The following ROBO1 variants were observed in gnomAD, a reference collection of about 807,000 sequenced individuals.
ROBO1 encodes roundabout homolog 1.
Under a neutral mutation model 195.9 loss-of-function variants are expected in ROBO1, and 149 were observed. The ratio of observed to expected loss-of-function variants is 0.76; its 90% CI spans 0.67 to 0.87. ROBO1 has a LOEUF of 0.87. ROBO1 is among the 40% of genes least tolerant of loss of function. The probability of loss-of-function intolerance (pLI) is 0.00; values close to 1 mark genes in which losing one functional copy is unlikely to be tolerated. For synonymous variants in ROBO1, 816 were observed against 733.2 expected (o/e 1.11, Z -1.82); for missense variants, 1,933 against 2,068.3 (o/e 0.93, Z 1.27).
At chr3:78,639,573 T>C (rs911362023) in intron 22 of ROBO1, among the ~76,000 whole-genome samples, 171 bp downstream of exon 22, 4 of 152,156 alleles carry the variant, frequency 2.6e-5, no homozygotes, top group African/African-American at 9.7e-5. Flanking sequence ...AGTATGGAGG[T>C]TAAGGGATGG....
intron 2 of ROBO1, among the ~76,000 whole-genome samples, chr3:79,154,266 G>T (rs1190633337): frequency 1.3e-5 from 2 of 151,668 alleles, no homozygotes; most frequent in African/African-American, 2.4e-5. Context: ...CTTGGTTAAT[G>T]CTCATTCCAT....
In ROBO1 at chr3:78,653,754, C is replaced by T. The variant is rs149496286; in HGVS notation, c.2615-1825G>A. Among the ~76,000 whole-genome samples the T allele has an allele frequency of 1.8e-4, 28 of 152,262 alleles. No individual in the cohort carries two copies. The East Asian group carries it at 4.1e-3, about 22-fold the overall frequency. ...GGCATGTTGACAGGAATAAGCTGGACGCAGGTCAGATAAGAGCCACAGGGG... is the reference window on the plus strand; with the variant it reads ...GGCATGTTGACAGGAATAAGCTGGATGCAGGTCAGATAAGAGCCACAGGGG... On this transcript the variant is annotated intron_variant, in intron 18 of 30. Coordinates refer to ENST00000464233, the MANE Select transcript of ROBO1 (RefSeq NM_002941.4).
intron 29 of ROBO1, among the ~76,000 whole-genome samples, chr3:78,604,762 C>A (rs776467326): frequency 1.3e-5 from 2 of 152,150 alleles, no homozygotes; most frequent in Non-Finnish European, 2.9e-5. Flanking sequence ...CAACAATACA[C>A]TGAGGTCAGA....
chr3:79,746,883 A>G (rs1703900971), intron 1 of ROBO1, among the ~76,000 whole-genome samples: 1 of 152,126 alleles, frequency 6.6e-6, no homozygotes, highest in Non-Finnish European at 1.5e-5. Context: ...GGATTAAAGT[A>G]TTCAATTTCT....
intron 1 of ROBO1, among the ~76,000 whole-genome samples, chr3:79,622,609 C>T (rs1214099343): frequency 2.0e-5 from 3 of 152,214 alleles, no homozygotes; most frequent in Non-Finnish European, 4.4e-5. Context: ...CTGACCCATC[C>T]TTCCTCATTG....
chr3:79,113,409 G>A (rs1472039283), intron 3 of ROBO1, among the ~76,000 whole-genome samples: 1 of 151,678 alleles, frequency 6.6e-6, no homozygotes, highest in Non-Finnish European at 1.5e-5. Flanking sequence ...ATAGAAAGAA[G>A]CTTTTAGAAT....
At chr3:78,935,188 T>C (rs968918069) in intron 4 of ROBO1, among the ~76,000 whole-genome samples, 41 of 152,062 alleles carry the variant, frequency 2.7e-4, no homozygotes, top group African/African-American at 9.2e-4. Context: ...AGACATAATC[T>C]TTAATTAATT....
chr3:79,002,456 G>A (rs925263897), intron 3 of ROBO1, among the ~76,000 whole-genome samples: 16 of 151,998 alleles, frequency 1.1e-4, no homozygotes, highest in African/African-American at 3.9e-4. Flanking sequence ...TGTGTGTTTT[G>A]CATTTAATCT....
At chr3:78,691,309 T>C (rs2081169548) in intron 8 of ROBO1, among the ~76,000 whole-genome samples, 1 of 152,074 alleles carries the variant, frequency 6.6e-6, no homozygotes, top group Non-Finnish European at 1.5e-5. Flanking sequence ...TAATTTAAAC[T>C]TGCTGTAATC....
chr3:79,417,525 G>A (rs1350388914), intron 2 of ROBO1, among the ~76,000 whole-genome samples: 1 of 152,074 alleles, frequency 6.6e-6, no homozygotes, highest in Non-Finnish European at 1.5e-5. Flanking sequence ...GTTGTTTAAA[G>A]CTGCTGAACT....
chr3:79,316,533 G>T (rs2033745025), intron 2 of ROBO1, among the ~76,000 whole-genome samples: 1 of 152,056 alleles, frequency 6.6e-6, no homozygotes, highest in East Asian at 1.9e-4. Flanking sequence ...GTAGACATGT[G>T]GATGAGGTGG....
At chr3:79,387,386 A>G (rs2036788507) in intron 2 of ROBO1, among the ~76,000 whole-genome samples, 1 of 151,430 alleles carries the variant, frequency 6.6e-6, no homozygotes, top group Non-Finnish European at 1.5e-5. Flanking sequence ...GTAAAGATTG[A>G]TATTTAAAAG....
intron 2 of ROBO1, among the ~76,000 whole-genome samples, chr3:79,385,672 T>G (rs891078044): frequency 3.9e-5 from 6 of 152,142 alleles, no homozygotes. Context: ...AAAGAAACTC[T>G]TTTAGTCTTC....
intron 2 of ROBO1, among the ~76,000 whole-genome samples, chr3:79,448,268 T>C (rs1193754004): frequency 6.6e-6 from 1 of 152,146 alleles, no homozygotes; most frequent in Non-Finnish European, 1.5e-5. Flanking sequence ...AAGGGAAAGA[T>C]TCAAAAGTAT....
intron 2 of ROBO1, among the ~76,000 whole-genome samples, chr3:79,163,070 T>C (rs1352571927): frequency 1.3e-5 from 2 of 152,056 alleles, no homozygotes; most frequent in Non-Finnish European, 2.9e-5. Flanking sequence ...TACAGTTCAG[T>C]GGAGTTAGAT....
At chr3:79,712,926 T>G (rs941957437) in intron 1 of ROBO1, among the ~76,000 whole-genome samples, 17 of 152,068 alleles carry the variant, frequency 1.1e-4, no homozygotes, top group African/African-American at 4.1e-4. Context: ...CATGGTTTAC[T>G]GAGTATTTTT....
In ROBO1 at chr3:78,857,829, A is replaced by G. The variant is rs540708311; in HGVS notation, c.499+80772T>C. On this transcript the variant is annotated intron_variant, in intron 4 of 30. Transcript: ENST00000464233. ...TCTTTTGAAATCCAGGCGTTAACTC[A>G]TAAGGCCTTTGGTTAAGGGCGACCC... 1.4e-4 allele frequency among the ~76,000 whole-genome samples: 22 copies of G among 152,328 alleles called. No individual in the cohort carries two copies. The South Asian group carries it at 4.1e-3, about 29-fold the overall frequency.
At chr3:78,600,422 G>A in intron 29 of ROBO1, 113 bp from the exon 30 acceptor site, 3 of 699,726 alleles carry the variant, frequency 4.3e-6, no homozygotes, top group Non-Finnish European at 7.3e-6. Context: ...GTGATTTAAG[G>A]TATAAATGAG....
chr3:78,732,508 A>T lies in ROBO1; in HGVS notation c.657+14235T>A, dbSNP rs183470297. On this transcript the variant is annotated intron_variant, in intron 5 of 30. Transcript: ENST00000464233. ...CCCACATACATTTCTATGAAGAAGAATGCCTCTTCTCTTCCCATGCAAACA... is the reference window on the plus strand; with the variant it reads ...CCCACATACATTTCTATGAAGAAGATTGCCTCTTCTCTTCCCATGCAAACA... 2.0e-4 allele frequency among the ~76,000 whole-genome samples: 30 copies of T among 152,290 alleles called. No homozygotes were observed. The East Asian group carries it at 5.6e-3, about 28-fold the overall frequency.
Sources: allele counts gnomAD v4.1 joint callset (sites outside exome capture counted in the v4.1 genomes callset), GRCh38; gene constraint gnomAD v4.1.1; transcripts MANE v1.5; gene names NCBI Gene and HGNC (gene_info 2026-07-23, HGNC 2026-07-21).